NDUFS1: variants seen among roughly 807,000 people sequenced by gnomAD.
NDUFS1 encodes the protein NADH-ubiquinone oxidoreductase 75 kDa subunit, mitochondrial.
A neutral mutation model predicts 84.4 loss-of-function variants in NDUFS1; 61 were observed. The ratio of observed to expected loss-of-function variants is 0.72; its 90% CI spans 0.59 to 0.89. The LOEUF is 0.89. Among genes scored for constraint, NDUFS1 ranks in the 40% least tolerant of loss-of-function variants. The pLI, the probability that NDUFS1 is intolerant of heterozygous loss-of-function variation, is 0.00. For synonymous variants in NDUFS1, 275 were observed against 290.0 expected (o/e 0.95, Z 0.53); for missense variants, 891 against 890.0 (o/e 1.00, Z -0.01).
intron 1 of NDUFS1, among the ~76,000 whole-genome samples, chr2:206,156,101 A>C (rs1411311415): frequency 6.6e-6 from 1 of 151,348 alleles, no homozygotes; most frequent in Admixed American, 6.6e-5. Context: ...TTCTCTACTA[A>C]AAATACAAAA....
In NDUFS1 at chr2:206,120,703, T is replaced by G. The variant is rs1163187730; in HGVS notation, c.*3482A>C. On this transcript the variant is annotated 3_prime_UTR_variant, in exon 19 of 19. Transcript: ENST00000233190. The stretch of plus-strand genomic sequence containing the variant: ...TCAGATATGGAAGCAAAGAAATAAC[T>G]TAAAGTTGGAACATATTTAAAAGGG... 1.3e-5 allele frequency: 2 copies of G among 152,184 alleles called. No homozygotes were observed. The highest frequency in any genetic ancestry group is 2.9e-5 in the Non-Finnish European group (2 of 68,050). The allele number at this position is 152,184 out of a possible 1,614,324, so 9.4% of individuals were successfully genotyped here.
rs531332703 is a variant in NDUFS1, at chr2:206,118,224, G to C, written c.*5961C>G. The C allele has an allele frequency of 6.6e-6, 1 of 152,326 alleles. No homozygotes were observed. The highest frequency in any genetic ancestry group is 2.4e-5 in the African/African-American group (1 of 41,580). 9.4% of individuals were successfully genotyped at this position (152,326 alleles called of 1,614,324 possible). On this transcript the variant is annotated 3_prime_UTR_variant, in exon 19 of 19. Coordinates refer to ENST00000233190, the MANE Select transcript of NDUFS1 (RefSeq NM_005006.7). ...CTTGTTCTCTTAAAATCTGTGATCT[G>C]AAATCTAGTCAGTTTTCTCATTAAC...
At chr2:206,152,923 C>CA (rs1267820106) in intron 2 of NDUFS1, among the ~76,000 whole-genome samples, 1 of 151,946 alleles carries the variant, frequency 6.6e-6, no homozygotes, top group Non-Finnish European at 1.5e-5. Context: ...AGGATGGTCT[C>CA]AAACTCCTGA....
chr2:206,125,983 T>C (rs2105942801), intron 18 of NDUFS1, among the ~76,000 whole-genome samples: 1 of 152,312 alleles, frequency 6.6e-6, no homozygotes, highest in South Asian at 2.1e-4. Flanking sequence ...AAATCTTAGA[T>C]ACAAACTATA....
intron 3 of NDUFS1, 99 bp downstream of exon 3, chr2:206,152,320 T>C: frequency 1.1e-6 from 1 of 909,306 alleles, no homozygotes; most frequent in South Asian, 1.4e-5. Context: ...GTATAGTTAT[T>C]TTAAAGAATT....
intron 13 of NDUFS1, among the ~76,000 whole-genome samples, chr2:206,137,155 T>C (rs966314498): frequency 2.6e-5 from 4 of 152,196 alleles, no homozygotes; most frequent in East Asian, 1.9e-4. Flanking sequence ...TATAGTCTTA[T>C]AGTGATGTCT....
intron 12 of NDUFS1, among the ~76,000 whole-genome samples, chr2:206,140,939 T>TACACAC (rs1409794419): frequency 5.1e-5 from 3 of 58,530 alleles, no homozygotes; most frequent in African/African-American, 2.3e-4. Context: ...TATATATATA[T>TACACAC]ATATACACAC....
chr2:206,153,736 T>C (rs1317175838), intron 1 of NDUFS1, 54 bp from the exon 2 acceptor site: 1 of 911,916 alleles, frequency 1.1e-6, no homozygotes, highest in Non-Finnish European at 1.7e-6. Flanking sequence ...AATCACCAAC[T>C]GTTTGGTAAT....
chr2:206,127,829 C>T lies in NDUFS1; in HGVS notation c.1852G>A (p.Glu618Lys). Reference protein sequence around the residue: ...VAVTPPGLAREDWKIIRALSE... With the variant: ...VAVTPPGLARKDWKIIRALSE... Reference sequence around the variant, plus strand: ...AGTGCTCTTATAATTTTCCAGTCTTCTCTTGCCAAGCCAGGAGGTGTCACT... The same window carrying T: ...AGTGCTCTTATAATTTTCCAGTCTTTTCTTGCCAAGCCAGGAGGTGTCACT... Residue 618 changes from glutamate (E) to lysine (K), a missense_variant, in exon 16 of 19, where the codon GAA becomes AAA. Coordinates refer to ENST00000233190, the MANE Select transcript of NDUFS1 (RefSeq NM_005006.7). The T allele has an allele frequency of 6.2e-7, 1 of 1,614,138 alleles. No homozygotes were observed. Among genetic ancestry groups the T allele is most frequent in the South Asian group, 1.1e-5 (1 of 91,084 alleles).
At chr2:206,152,310 GTA>G in intron 3 of NDUFS1, 107 bp downstream of exon 3, 1 of 825,688 alleles carries the variant, frequency 1.2e-6, no homozygotes, top group Admixed American at 2.1e-5. Flanking sequence ...ACTTTGCTGT[GTA>G]TAGTTATTTT....
At chr2:206,157,998 CTG>C (rs1687735137) in intron 1 of NDUFS1, among the ~76,000 whole-genome samples, 1 of 140,300 alleles carries the variant, frequency 7.1e-6, no homozygotes, top group South Asian at 2.2e-4. Flanking sequence ...GAGTCTCGCT[CTG>C]TCGCCCAGGC....
At chr2:206,140,715 G>A (rs1052213790) in intron 12 of NDUFS1, among the ~76,000 whole-genome samples, 10 of 152,006 alleles carry the variant, frequency 6.6e-5, no homozygotes, top group African/African-American at 1.9e-4. Flanking sequence ...CTGACCTCAG[G>A]TGATCCACCT....
Position 206,147,844 on chromosome 2 carries a change from A to G in NDUFS1, c.339-10T>C. The G allele has an allele frequency of 6.2e-7, 1 of 1,607,122 alleles. No homozygotes were observed. Among genetic ancestry groups the G allele is most frequent in the Non-Finnish European group, 8.5e-7 (1 of 1,173,666 alleles). ...CTCCATCACACCTTCCCTGTATGAA[A>G]ATTGTAACATATAAAATGACTCTCA... On this transcript the variant is annotated splice_polypyrimidine_tract_variant and intron_variant, in intron 5 of 18. Transcript: ENST00000233190.
intron 1 of NDUFS1, chr2:206,159,030 C>T: frequency 6.6e-7 from 1 of 1,509,192 alleles, no homozygotes; most frequent in Non-Finnish European, 8.9e-7. Context: ...AATAAAACGG[C>T]CTCCTCCTCT....
intron 18 of NDUFS1, among the ~76,000 whole-genome samples, chr2:206,125,648 C>CT (rs766126461): frequency 2.5e-3 from 370 of 147,610 alleles, no homozygotes; most frequent in Non-Finnish European, 3.6e-3. Context: ...AGTGATTTTT[C>CT]TTTTTTTAAA....
At chr2:206,154,358 T>G (rs1687543922) in intron 1 of NDUFS1, among the ~76,000 whole-genome samples, 2 of 152,210 alleles carry the variant, frequency 1.3e-5, no homozygotes, top group Non-Finnish European at 2.9e-5. Flanking sequence ...CAGGGAATAT[T>G]TAGCAATGTC....
intron 12 of NDUFS1, among the ~76,000 whole-genome samples, chr2:206,138,867 A>G (rs1691825667): frequency 6.6e-6 from 1 of 152,194 alleles, no homozygotes; most frequent in African/African-American, 2.4e-5. Context: ...TGTAAATCCC[A>G]ACACTTTAGG....
chr2:206,133,657 A>G (rs6740535), intron 13 of NDUFS1, among the ~76,000 whole-genome samples: 93,307 of 152,064 alleles, frequency 0.61, 29,513 homozygotes, highest in African/African-American at 0.77. Flanking sequence ...GGAAACTACA[A>G]ATTTCACAGA....
chr2:206,139,239 G>A (rs1691841678), intron 12 of NDUFS1, among the ~76,000 whole-genome samples: 1 of 152,036 alleles, frequency 6.6e-6, no homozygotes, highest in African/African-American at 2.4e-5. Context: ...AGGCTGGAGT[G>A]CTGTGGCGCA....
Sources: allele counts gnomAD v4.1 joint callset (sites outside exome capture counted in the v4.1 genomes callset), GRCh38; gene constraint gnomAD v4.1.1; transcripts MANE v1.5; gene names NCBI Gene and HGNC (gene_info 2026-07-23, HGNC 2026-07-21).